TASOR: variants seen among roughly 807,000 people sequenced by gnomAD.
TASOR encodes protein TASOR.
In TASOR, 53 loss-of-function variants were observed where a neutral mutation model predicts 178.6. That is an observed-to-expected ratio of 0.30 (90% CI 0.24 to 0.37). TASOR has a LOEUF of 0.37. Among genes scored for constraint, TASOR ranks in the 10% least tolerant of loss-of-function variants. The pLI is 1.00. For synonymous variants in TASOR, 713 were observed against 696.2 expected (o/e 1.02, Z -0.38); for missense variants, 1,815 against 1,971.4 (o/e 0.92, Z 1.50).
intron 17 of TASOR, among the ~76,000 whole-genome samples, chr3:56,637,985 C>G (rs1412698003): frequency 6.6e-6 from 1 of 152,098 alleles, no homozygotes; most frequent in East Asian, 1.9e-4. Flanking sequence ...ATTAGTTTTA[C>G]AATCAGAAGA....
Position 56,646,779 on chromosome 3 carries a change from C to T in TASOR, c.1958G>A (p.Gly653Glu), listed in dbSNP as rs775057350. 1.2e-6 allele frequency: 2 copies of T among 1,613,824 alleles called. No homozygotes were observed. Among genetic ancestry groups the T allele is most frequent in the Non-Finnish European group, 1.7e-6 (2 of 1,179,944 alleles). The change falls in exon 14 of 24, where the codon GGA becomes GAA. Residue 653 changes from glycine to glutamate, a missense_variant. By Grantham distance (98) the Gly-to-Glu change is moderately conservative. Coordinates refer to ENST00000683822, the MANE Select transcript of TASOR (RefSeq NM_001365635.2). ...TTCACCTCTTGAGTTATTTCGTTTTCCAAATTTCATTTTTGTACCATTCAT... is the reference window on the plus strand; with the variant it reads ...TTCACCTCTTGAGTTATTTCGTTTTTCAAATTTCATTTTTGTACCATTCAT... ...EEMNGTKMKF[G>E]KRNNSRGEAI...
chr3:56,628,766 T>C (rs1578188435), intron 18 of TASOR, 152 bp from the exon 19 acceptor site: 1 of 249,240 alleles, frequency 4.0e-6, no homozygotes, highest in Non-Finnish European at 7.4e-6. Flanking sequence ...CATCAAATCC[T>C]TTTTTTTTTT....
At chr3:56,663,741 C>T (rs147399278) in intron 7 of TASOR, 169 bp from the exon 8 acceptor site, 3 of 1,053,064 alleles carry the variant, frequency 2.8e-6, no homozygotes, top group Non-Finnish European at 2.3e-6. Flanking sequence ...AAATCCAAGT[C>T]TACTTAGAGA....
Position 56,621,606 on chromosome 3 carries a change from TTCTTCATTTTAAATGTAGAAAA to T in TASOR, c.*1409_*1430del. On this transcript the variant is annotated 3_prime_UTR_variant, in exon 24 of 24. Coordinates refer to ENST00000683822, the MANE Select transcript of TASOR (RefSeq NM_001365635.2). The stretch of plus-strand genomic sequence containing the variant: ...CTGAAAATCAAGAAGAGAGTTTTGG[TTCTTCATTTTAAATGTAGAAAA>T]TCAAATCCTTCACATTTGATTTGTG... 1 of 1,597,210 alleles carries T rather than the reference TTCTTCATTTTAAATGTAGAAAA, an allele frequency of 6.3e-7. No homozygotes were observed. The highest frequency in any genetic ancestry group is 1.3e-5 in the African/African-American group (1 of 74,350).
intron 2 of TASOR, 54 bp downstream of exon 2, chr3:56,673,526 G>A (rs1578295647): frequency 7.5e-7 from 1 of 1,330,264 alleles, no homozygotes; most frequent in Non-Finnish European, 9.8e-7. Context: ...TTTTTTCCCA[G>A]GCTGTTAACT....
intron 5 of TASOR, 55 bp from the exon 6 acceptor site, chr3:56,668,613 A>G (rs1021455049): frequency 5.8e-6 from 7 of 1,207,546 alleles, no homozygotes; most frequent in Non-Finnish European, 8.0e-6. Context: ...TTGACTATAT[A>G]ACATTAATAT....
Position 56,624,857 on chromosome 3 carries a change from A to G in TASOR, c.4289T>C (p.Ile1430Thr), listed in dbSNP as rs2076764162. 6.2e-7 allele frequency: 1 copy of G among 1,614,018 alleles called. No homozygotes were observed. The highest frequency in any genetic ancestry group is 1.7e-5 in the Admixed American group (1 of 59,990). The change falls in exon 22 of 24, where the codon ATA becomes ACA. Residue 1430 changes from isoleucine to threonine, a missense_variant. Transcript: ENST00000683822. Reference protein sequence around the residue: ...DCLIRLQAQNIQQRHIVFLTE... With the variant: ...DCLIRLQAQNTQQRHIVFLTE... Reference sequence around the variant, plus strand: ...TAAAAAGACTATGTGTCGTTGCTGTATGTTCTGAGCCTGAAGTCTGATAAG... The same window carrying G: ...TAAAAAGACTATGTGTCGTTGCTGTGTGTTCTGAGCCTGAAGTCTGATAAG...
chr3:56,631,548 A>C (rs981042795), intron 18 of TASOR, among the ~76,000 whole-genome samples: 1 of 151,002 alleles, frequency 6.6e-6, no homozygotes, highest in Non-Finnish European at 1.5e-5. Flanking sequence ...ATACAGACAC[A>C]CAGAAAGGCG....
At chr3:56,678,528 T>A (rs1286603898) in intron 1 of TASOR, among the ~76,000 whole-genome samples, 1 of 152,100 alleles carries the variant, frequency 6.6e-6, no homozygotes, top group Non-Finnish European at 1.5e-5. Flanking sequence ...TGGGCATTGA[T>A]ATATAATTTA....
intron 14 of TASOR, among the ~76,000 whole-genome samples, chr3:56,643,599 A>G (rs1163925437): frequency 2.6e-5 from 4 of 152,082 alleles, no homozygotes; most frequent in African/African-American, 9.7e-5. Flanking sequence ...CGTCTCTGCT[A>G]AAAACACAAA....
chr3:56,681,741 A>T (rs1202879157), intron 1 of TASOR, among the ~76,000 whole-genome samples: 1 of 152,252 alleles, frequency 6.6e-6, no homozygotes, highest in Non-Finnish European at 1.5e-5. Context: ...TAGTTAAAAA[A>T]TAATACCCCA....
rs1350488756 is a variant in TASOR at position 56,624,613 on chromosome 3, G to T, written c.4349C>A (p.Thr1450Lys). The T allele has an allele frequency of 8.7e-6, 14 of 1,613,068 alleles. No individual in the cohort carries two copies. The Admixed American group carries it at 2.2e-4, about 25-fold the overall frequency. Residue 1450 changes from threonine to lysine, a missense_variant, in exon 23 of 24, where the codon ACA (threonine) becomes AAA (lysine). Physicochemically the swap from Thr to Lys is moderately conservative, Grantham distance 78 (BLOSUM62 -1). Transcript: ENST00000683822. ...EKNIKMLSSY[T>K]DNGIVVATAE... ...AGTTGCAACCACTATTCCATTATCT[G>T]TATAACTGGAAAGCATCTTGATGTT...
At chr3:56,643,768 A>AC (rs2077179131) in intron 14 of TASOR, among the ~76,000 whole-genome samples, 1 of 141,590 alleles carries the variant, frequency 7.1e-6, no homozygotes, top group African/African-American at 2.8e-5. Context: ...AAAAAAAAAA[A>AC]CAAAAAAAAA....
chr3:56,644,451 TA>T (rs977526555), intron 14 of TASOR, among the ~76,000 whole-genome samples: 1 of 151,952 alleles, frequency 6.6e-6, no homozygotes, highest in Non-Finnish European at 1.5e-5. Context: ...TGCAAAGATA[TA>T]AGGCTTGAAA....
In TASOR at chr3:56,624,565, A is replaced by C. The variant is rs747305410; in HGVS notation, c.4397T>G (p.Phe1466Cys). ...VATAEDFMQN[F>C]KNLVGYHNSI... ...ATTGTGATAGCCCACAAGATTTTTA[A>C]AGTTTTGCATGAAGTCTTCAGCAGT... is the stretch of plus-strand genomic sequence containing the variant. The change falls in exon 23 of 24, where the codon TTT becomes TGT. Residue 1466 changes from phenylalanine to cysteine, a missense_variant. Coordinates refer to ENST00000683822, the MANE Select transcript of TASOR (RefSeq NM_001365635.2). 1 of 1,614,090 alleles carries C rather than the reference A, an allele frequency of 6.2e-7. No individual in the cohort carries two copies. The highest frequency in any genetic ancestry group is 1.1e-5 in the South Asian group (1 of 91,076).
intron 7 of TASOR, chr3:56,663,962 T>G (rs906254567): frequency 3.6e-5 from 23 of 632,994 alleles, no homozygotes; most frequent in Non-Finnish European, 4.1e-5. Flanking sequence ...CAGGCACAGT[T>G]CTAGGTAATA....
chr3:56,624,486 C>A lies in TASOR; in HGVS notation c.4476G>T (p.Ser1492=). ...PQLGANENLE[S]QSALLENDEK... is the part of the protein sequence containing the mutation. ...AAACCACTGAAAAGTTACCTGACTG[C>A]GACTCAAGATTCTCATTAGCACCAA... The change falls in exon 23 of 24, where the codon TCG becomes TCT. Residue 1492 remains serine (S), a synonymous_variant. Coordinates refer to ENST00000683822, the MANE Select transcript of TASOR (RefSeq NM_001365635.2). 6.2e-7 allele frequency: 1 copy of A among 1,611,842 alleles called. No individual in the cohort carries two copies. The highest frequency in any genetic ancestry group is 8.5e-7 in the Non-Finnish European group (1 of 1,179,114).
At chr3:56,634,598 A>G (rs150353288) in intron 17 of TASOR, among the ~76,000 whole-genome samples, 278 of 152,340 alleles carry the variant, frequency 1.8e-3, no homozygotes, top group African/African-American at 6.4e-3. Flanking sequence ...AGAGAAGAAC[A>G]TATTTCACAG....
chr3:56,645,856 T>TA (rs2107576693), intron 14 of TASOR, among the ~76,000 whole-genome samples: 1 of 152,224 alleles, frequency 6.6e-6, no homozygotes, highest in South Asian at 2.1e-4. Context: ...ACTATAAAAA[T>TA]AAAGGAATAT....
Sources: allele counts gnomAD v4.1 joint callset (sites outside exome capture counted in the v4.1 genomes callset), GRCh38; gene constraint gnomAD v4.1.1; transcripts MANE v1.5; gene names NCBI Gene and HGNC (gene_info 2026-07-23, HGNC 2026-07-21).